Variants in TVP23C observed in about 807,000 individuals in gnomAD.
The protein encoded by TVP23C is Golgi apparatus membrane protein TVP23 homolog C.
In TVP23C, 19 loss-of-function variants were observed where a neutral mutation model predicts 28.7. That is an observed-to-expected ratio of 0.66 (90% CI 0.46 to 0.97). The LOEUF (loss-of-function observed/expected upper bound fraction) is 0.97. TVP23C is among the 50% of genes least tolerant of loss of function. The pLI, the probability that TVP23C is intolerant of heterozygous loss-of-function variation, is 0.00. For synonymous variants in TVP23C, 68 were observed against 81.7 expected, an observed-to-expected ratio of 0.83 and a Z score of 0.90; for missense variants, 186 against 241.3, an observed-to-expected ratio of 0.77 and a Z score of 1.52.
chr17:15,505,528 G>A lies in TVP23C; in HGVS notation c.463-2296C>T, dbSNP rs532945010. Among the ~76,000 whole-genome samples, 33 of 152,310 alleles carry A rather than the reference G, an allele frequency of 2.2e-4. No homozygotes were observed. In the South Asian group the frequency reaches 6.4e-3, roughly 30 times the overall value. On this transcript the variant is annotated intron_variant, in intron 5 of 5. Coordinates refer to the TVP23C transcript ENST00000225576. ...AGCCCCATACTATTGAGAGGTGACA[G>A]CGTGCTGGCAGTCCTCAGAGCCCCG... is the stretch of plus-strand genomic sequence containing the variant.
At chr17:15,561,614 G>GAATAAATAAATA in intron 1 of TVP23C, among the ~76,000 whole-genome samples, 1 of 124,786 alleles carries the variant, frequency 8.0e-6, no homozygotes, top group African/African-American at 3.5e-5. Context: ...ATGAATGAAT[G>GAATAAATAAATA]AATGAATGAA....
At chr17:15,507,056 G>T in intron 5 of TVP23C, 1 of 1,265,790 alleles carries the variant, frequency 7.9e-7, no homozygotes, top group Non-Finnish European at 1.1e-6. Flanking sequence ...ATGTGTCAGG[G>T]CGGTGACTTC....
At chr17:15,543,919 G>A (rs1282880819) in intron 5 of TVP23C, among the ~76,000 whole-genome samples, 1 of 151,796 alleles carries the variant, frequency 6.6e-6, no homozygotes, top group Non-Finnish European at 1.5e-5. Flanking sequence ...AAAATAAAAG[G>A]TCAAACCATA....
At chr17:15,503,656 A>G (rs1221839394) in intron 5 of TVP23C, 1 of 154,038 alleles carries the variant, frequency 6.5e-6, no homozygotes, top group Non-Finnish European at 1.4e-5. Flanking sequence ...TGTGTTCACC[A>G]AAATAAGCTA....
intron 5 of TVP23C, among the ~76,000 whole-genome samples, chr17:15,519,214 C>T (rs555268785): frequency 6.6e-5 from 10 of 152,218 alleles, no homozygotes; most frequent in African/African-American, 2.4e-4. Context: ...TGAAGAAGCA[C>T]CTGGTATCCA....
intron 5 of TVP23C, among the ~76,000 whole-genome samples, chr17:15,518,883 T>A (rs1982347838): frequency 6.6e-6 from 1 of 152,178 alleles, no homozygotes; most frequent in Admixed American, 6.5e-5. Flanking sequence ...AATCCCCACG[T>A]GTCGAGGGGG....
In TVP23C at chr17:15,547,159, T is replaced by G. The variant is rs1473245438; in HGVS notation, c.241-11A>C. ...TCTACCTGTGACATTCTGGTGAAGA[T>G]TAATATAAACAGGCACATTTTAAAA... On this transcript the variant is annotated splice_polypyrimidine_tract_variant and intron_variant, in intron 3 of 5. Coordinates refer to ENST00000518321, the MANE Select transcript of TVP23C (RefSeq NM_001135036.2). The G allele has an allele frequency of 6.2e-7, 1 of 1,612,678 alleles. No homozygotes were observed. Among genetic ancestry groups the G allele is most frequent in the Non-Finnish European group, 8.5e-7 (1 of 1,179,494 alleles).
At chr17:15,517,962 C>T (rs1982302932) in intron 5 of TVP23C, among the ~76,000 whole-genome samples, 1 of 151,986 alleles carries the variant, frequency 6.6e-6, no homozygotes, top group South Asian at 2.1e-4. Context: ...GTCAGGAGAT[C>T]GAGGCCATCC....
intron 3 of TVP23C, among the ~76,000 whole-genome samples, chr17:15,551,754 T>C (rs544499548): frequency 6.6e-6 from 1 of 152,286 alleles, no homozygotes; most frequent in African/African-American, 2.4e-5. Flanking sequence ...TTTCTTCCAC[T>C]GTGGCCCAGG....
At chr17:15,506,123 G>C (rs942536016) in intron 5 of TVP23C, among the ~76,000 whole-genome samples, 1 of 152,274 alleles carries the variant, frequency 6.6e-6, no homozygotes, top group African/African-American at 2.4e-5. Flanking sequence ...CCCGGTGCGG[G>C]ATCCACTAGG....
chr17:15,532,936 A>G (rs1044474128), downstream of TVP23C, among the ~76,000 whole-genome samples: 2 of 152,182 alleles, frequency 1.3e-5, no homozygotes, highest in African/African-American at 4.8e-5. Context: ...TGGTTTCCAA[A>G]GCACATGGCA....
intron 5 of TVP23C, among the ~76,000 whole-genome samples, chr17:15,541,535 T>C (rs1597532771): frequency 6.6e-6 from 1 of 152,068 alleles, no homozygotes; most frequent in African/African-American, 2.4e-5. Flanking sequence ...CATTCTACTC[T>C]TTTATATCTG....
exon 6 of TVP23C, chr17:15,502,923 T>G: frequency 6.2e-7 from 1 of 1,613,016 alleles, no homozygotes. Flanking sequence ...CCTCTGCTAT[T>G]GGGACTCTCC....
In TVP23C at chr17:15,555,315, T is replaced by C; in HGVS notation, c.62A>G (p.Glu21Gly). The C allele has an allele frequency of 6.2e-7, 1 of 1,613,980 alleles. No individual in the cohort carries two copies. The highest frequency in any genetic ancestry group is 8.5e-7 in the Non-Finnish European group (1 of 1,179,870). ...GGCTTTTCTTGGTCTATTAGTCGTC[T>C]CCTCTTCCGCATCAAACAGTGAAAC... ...EDVSLFDAEEETTNRPRKAKI... is the reference protein window; with the variant it reads ...EDVSLFDAEEGTTNRPRKAKI... Residue 21 changes from glutamate to glycine, a missense_variant, in exon 2 of 6, where the codon GAG (glutamate) becomes GGG (glycine). Physicochemically the swap from Glu to Gly is moderately conservative, Grantham distance 98. This residue lies in a region of TVP23C where 92 missense variants were observed against 94.3 expected (regional missense o/e 0.98). Transcript: ENST00000518321.
downstream of TVP23C, among the ~76,000 whole-genome samples, chr17:15,532,086 G>A (rs538090579): frequency 4.6e-5 from 7 of 152,266 alleles, no homozygotes; most frequent in Admixed American, 6.5e-5. Context: ...TGAAGCATAA[G>A]TCTCTCACCT....
intron 5 of TVP23C, among the ~76,000 whole-genome samples, chr17:15,518,988 G>C (rs1294301269): frequency 5.3e-5 from 8 of 152,124 alleles, no homozygotes; most frequent in Non-Finnish European, 1.2e-4. Context: ...GTTGAAAGGT[G>C]TGTCGCAGTT....
exon 6 of TVP23C, chr17:15,503,042 G>A (rs976923089): frequency 6.2e-7 from 1 of 1,613,992 alleles, no homozygotes; most frequent in Middle Eastern, 1.6e-4. Context: ...AAGGCGGGGC[G>A]CAGGTTTCCA....
intron 5 of TVP23C, among the ~76,000 whole-genome samples, chr17:15,524,065 T>TGG (rs1025911464): frequency 5.3e-5 from 2 of 37,560 alleles, no homozygotes; most frequent in Admixed American, 3.3e-4. Context: ...CAGAGTGGGG[T>TGG]GTGTGTGTGT....
At chr17:15,502,705 T>G in exon 6 of TVP23C, 8 of 1,187,288 alleles carry the variant, frequency 6.7e-6, no homozygotes, top group Non-Finnish European at 8.9e-6. Context: ...TGTTCGTTCG[T>G]TCTTTCTCTC....
Sources: gnomAD v4.1 joint callset for allele counts (sites outside exome capture counted in the v4.1 genomes callset) on GRCh38, gnomAD v4.1.1 for gene constraint, gnomAD v4.1.1 regional missense constraint, MANE v1.5 for transcripts, NCBI Gene and HGNC (gene_info 2026-07-23, HGNC 2026-07-21) for gene names.